PCDH15: variants seen among roughly 807,000 people sequenced by gnomAD.
The protein encoded by PCDH15 is protocadherin-15.
In PCDH15, 129 loss-of-function variants were observed where a neutral mutation model predicts 178.5. The ratio of observed to expected loss-of-function variants is 0.72; its 90% CI spans 0.63 to 0.84. The LOEUF is 0.84. Ranked by LOEUF, PCDH15 falls within the 40% of genes least tolerant of loss-of-function variation. The pLI is 0.00. For synonymous variants in PCDH15, 800 were observed against 732.0 expected (o/e 1.09, Z -1.50); for missense variants, 2,230 against 2,099.9 (o/e 1.06, Z -1.21).
chr10:53,988,860 TAAAAG>T (rs548255396), intron 21 of PCDH15, among the ~76,000 whole-genome samples: 238 of 152,122 alleles, frequency 1.6e-3, no homozygotes, highest in African/African-American at 5.4e-3. Flanking sequence ...TTGATACTGT[TAAAAG>T]AAAAGCTTTA....
In PCDH15 at chr10:54,561,351, T is replaced by C. The variant is rs553283447; in HGVS notation, c.92-33474A>G. Among the ~76,000 whole-genome samples the C allele has an allele frequency of 2.0e-5, 3 of 152,246 alleles. No individual in the cohort carries two copies. In the South Asian group the frequency reaches 6.2e-4, roughly 32 times the overall value. On this transcript the variant is annotated intron_variant, in intron 2 of 37. Coordinates refer to ENST00000644397, the MANE Select transcript of PCDH15 (RefSeq NM_001384140.1). Reference sequence around the variant, plus strand: ...TCCAATAATGAACAAAGTTCAAAAGTGAGTAAACCCTGAAGCAAGACAAGG... The same window carrying C: ...TCCAATAATGAACAAAGTTCAAAAGCGAGTAAACCCTGAAGCAAGACAAGG...
At chr10:55,348,766 G>A (rs1844830465) in intron 2 of PCDH15, among the ~76,000 whole-genome samples, 1 of 152,096 alleles carries the variant, frequency 6.6e-6, no homozygotes, top group Non-Finnish European at 1.5e-5. Flanking sequence ...GTGGGTCAAG[G>A]AAGAACAATA....
At chr10:54,734,739 C>T (rs373399904) in intron 1 of PCDH15, among the ~76,000 whole-genome samples, 7 of 151,954 alleles carry the variant, frequency 4.6e-5, no homozygotes, top group Admixed American at 1.3e-4. Context: ...AACGAACCAA[C>T]TATTGATACC....
chr10:53,878,528 A>G (rs1380090810), intron 26 of PCDH15, among the ~76,000 whole-genome samples: 2 of 146,820 alleles, frequency 1.4e-5, no homozygotes, highest in Non-Finnish European at 3.0e-5. Flanking sequence ...GTGTGTATAT[A>G]TATATATATA....
intron 1 of PCDH15, among the ~76,000 whole-genome samples, chr10:54,701,519 AAAG>A (rs1475052276): frequency 6.6e-6 from 1 of 152,110 alleles, no homozygotes; most frequent in Non-Finnish European, 1.5e-5. Context: ...CATGCTGAAT[AAAG>A]AAGAAAGACC....
rs150331553 is a variant in PCDH15, at chr10:55,372,505, C to T, written c.-155-205854G>A. Among the ~76,000 whole-genome samples, 20 of 152,232 alleles carry T rather than the reference C, an allele frequency of 1.3e-4. No individual in the cohort carries two copies. The East Asian group carries it at 3.9e-3, about 29-fold the overall frequency. On this transcript the variant is annotated intron_variant, in intron 2 of 5. Coordinates refer to the PCDH15 transcript ENST00000613346. ...CAGTTAGGTCAGTAATATTTAGACA[C>T]ATAGACATGTATGAACAGTGTGCAT...
intron 15 of PCDH15, among the ~76,000 whole-genome samples, chr10:54,127,528 T>C (rs1214175235): frequency 6.6e-6 from 1 of 152,216 alleles, no homozygotes; most frequent in Non-Finnish European, 1.5e-5. Flanking sequence ...ATATACTTTA[T>C]ACCTTTGCTC....
At chr10:54,806,289 C>A (rs150732224), upstream of PCDH15, among the ~76,000 whole-genome samples, 1 of 151,914 alleles carries the variant, frequency 6.6e-6, no homozygotes, top group Non-Finnish European at 1.5e-5. Context: ...ACAAATTATC[C>A]CAATTTTAGT....
intron 1 of PCDH15, among the ~76,000 whole-genome samples, chr10:55,273,912 T>A (rs1401086483): frequency 8.4e-6 from 1 of 118,392 alleles, no homozygotes; most frequent in Non-Finnish European, 1.8e-5. Flanking sequence ...TAGTTAAGTG[T>A]AAAAGTTAAC....
At chr10:53,838,982 A>T (rs1249995424) in intron 29 of PCDH15, among the ~76,000 whole-genome samples, 2 of 152,190 alleles carry the variant, frequency 1.3e-5, no homozygotes, top group East Asian at 3.9e-4. Flanking sequence ...AGGCGGGCGG[A>T]TCACCAGGTA....
In PCDH15 at chr10:54,231,348, A is replaced by G. The variant is rs1297659245; in HGVS notation, c.985+5475T>C. 2.0e-5 allele frequency among the ~76,000 whole-genome samples: 3 copies of G among 152,208 alleles called. No individual in the cohort carries two copies. In the East Asian group the frequency reaches 5.8e-4, roughly 29 times the overall value. ...TGTGATGTTAAACCTGTGGACACAC[A>G]GAGGGCAATGGTTGAGGCTTGGAAG... On this transcript the variant is annotated intron_variant, in intron 9 of 37. Coordinates refer to ENST00000644397, the MANE Select transcript of PCDH15 (RefSeq NM_001384140.1).
intron 11 of PCDH15, among the ~76,000 whole-genome samples, chr10:54,195,363 T>C (rs2049501140): frequency 6.6e-6 from 1 of 152,186 alleles, no homozygotes; most frequent in Non-Finnish European, 1.5e-5. Context: ...CCATTATTTT[T>C]GCTTTATCAA....
At chr10:53,864,366 C>T (rs1469088366) in intron 27 of PCDH15, among the ~76,000 whole-genome samples, 3 of 152,154 alleles carry the variant, frequency 2.0e-5, no homozygotes, top group Non-Finnish European at 2.9e-5. Flanking sequence ...ACCATCTCCC[C>T]ACACCCCACC....
intron 2 of PCDH15, among the ~76,000 whole-genome samples, chr10:55,614,930 G>A (rs1843444490): frequency 6.6e-6 from 1 of 152,004 alleles, no homozygotes. Flanking sequence ...ACAGCAAATT[G>A]TTTATTTCTA....
At chr10:54,993,381 A>AT (rs1323765662) in intron 2 of PCDH15, among the ~76,000 whole-genome samples, 2 of 152,202 alleles carry the variant, frequency 1.3e-5, no homozygotes, top group African/African-American at 4.8e-5. Context: ...TGCAACTGCA[A>AT]TATCTACATT....
intron 3 of PCDH15, among the ~76,000 whole-genome samples, chr10:54,493,099 A>T (rs1018700265): frequency 6.6e-6 from 1 of 152,046 alleles, no homozygotes; most frequent in African/African-American, 2.4e-5. Flanking sequence ...TGATTCAATT[A>T]CCTCCCACTG....
chr10:54,023,344 C>A (rs2092986124), intron 18 of PCDH15, 147 bp from the exon 19 acceptor site: 1 of 683,436 alleles, frequency 1.5e-6, no homozygotes, highest in South Asian at 1.8e-5. Context: ...CAATACAATG[C>A]AAAATTTAAA....
chr10:55,070,355 T>C (rs1488468874), intron 2 of PCDH15, among the ~76,000 whole-genome samples: 2 of 151,614 alleles, frequency 1.3e-5, no homozygotes, highest in African/African-American at 4.8e-5. Flanking sequence ...TCCTTGCCCA[T>C]GCCTATGTCC....
intron 18 of PCDH15, among the ~76,000 whole-genome samples, chr10:54,049,712 C>G (rs2093727980): frequency 6.6e-6 from 1 of 151,978 alleles, no homozygotes; most frequent in South Asian, 2.1e-4. Context: ...TCTCTGCCTC[C>G]TGGGTTCAAA....
Sources: gnomAD v4.1 joint callset for allele counts (sites outside exome capture counted in the v4.1 genomes callset) on GRCh38, gnomAD v4.1.1 for gene constraint, MANE v1.5 for transcripts, NCBI Gene and HGNC (gene_info 2026-07-23, HGNC 2026-07-21) for gene names.